The following ZMAT3 variants were observed in gnomAD, a reference collection of about 807,000 sequenced individuals.
ZMAT3 encodes the protein zinc finger matrin-type 3.
ZMAT3 carries 17 observed loss-of-function variants against 32.3 expected under a neutral mutation model. That is an observed-to-expected ratio of 0.53 (90% CI 0.36 to 0.79). The LOEUF (loss-of-function observed/expected upper bound fraction) is 0.79, where lower values mean the gene tolerates loss of function less well. ZMAT3 is among the 30% of genes least tolerant of loss of function. The pLI is 0.00. For synonymous variants in ZMAT3, 120 were observed against 133.1 expected (o/e 0.90, Z 0.68); for missense variants, 329 against 359.7 (o/e 0.91, Z 0.69).
chr3:179,034,305 T>C (rs1719464549), intron 2 of ZMAT3, among the ~76,000 whole-genome samples: 1 of 152,216 alleles, frequency 6.6e-6, no homozygotes, highest in African/African-American at 2.4e-5. Flanking sequence ...TTTACCATGG[T>C]CACAGTGAAC....
chr3:179,062,530 G>A (rs1721201145), intron 2 of ZMAT3, among the ~76,000 whole-genome samples: 1 of 152,048 alleles, frequency 6.6e-6, no homozygotes, highest in Non-Finnish European at 1.5e-5. Context: ...ACTAGAGGAG[G>A]AGGCAAAAAA....
At chr3:179,054,768 T>C (rs935412370) in intron 2 of ZMAT3, among the ~76,000 whole-genome samples, 1 of 152,182 alleles carries the variant, frequency 6.6e-6, no homozygotes, top group Admixed American at 6.5e-5. Context: ...GCGACTTCCA[T>C]GCCTCCGGAT....
At position 179,067,735 on chromosome 3, in the gene ZMAT3, G is replaced by A. The variant is rs760329133; in HGVS notation, c.18C>T (p.His6=). Residue 6 remains histidine, a synonymous_variant, in exon 2 of 6, where the codon CAC becomes CAT. Coordinates refer to ENST00000311417, the MANE Select transcript of ZMAT3 (RefSeq NM_022470.4). ...GCTGCTTAGGTGGAGGAAGCACGGC[G>A]TGTTGCAAGAGGATCATTGGGTAGG... is the stretch of plus-strand genomic sequence containing the variant. MILLQ[H]AVLPPPKQPS... 12 of 1,613,980 alleles carry A rather than the reference G, an allele frequency of 7.4e-6. No individual in the cohort carries two copies. The highest frequency in any genetic ancestry group is 1.7e-5 in the Admixed American group (1 of 60,004).
At chr3:179,043,279 C>T (rs1720053355) in intron 2 of ZMAT3, among the ~76,000 whole-genome samples, 1 of 152,192 alleles carries the variant, frequency 6.6e-6, no homozygotes, top group African/African-American at 2.4e-5. Context: ...CAATCCTAAG[C>T]CAAAAGAACA....
At chr3:179,055,088 G>C (rs1720766563) in intron 2 of ZMAT3, among the ~76,000 whole-genome samples, 1 of 152,138 alleles carries the variant, frequency 6.6e-6, no homozygotes, top group Non-Finnish European at 1.5e-5. Context: ...CTGGGAGCAA[G>C]GACCCCCCAG....
At chr3:179,070,115 G>T (rs1178304534) in intron 1 of ZMAT3, among the ~76,000 whole-genome samples, 1 of 149,628 alleles carries the variant, frequency 6.7e-6, no homozygotes, top group Non-Finnish European at 1.5e-5. Flanking sequence ...TGAAAAGGTG[G>T]GGGGGGGTGT....
At chr3:179,038,160 C>A (rs916060274) in intron 2 of ZMAT3, among the ~76,000 whole-genome samples, 1 of 152,162 alleles carries the variant, frequency 6.6e-6, no homozygotes, top group African/African-American at 2.4e-5. Context: ...CATCAAGAGA[C>A]CCACTTGCTG....
chr3:179,027,719 C>A lies in ZMAT3; in HGVS notation c.484G>T (p.Ala162Ser), dbSNP rs1466335076. The change falls in exon 4 of 6, where the codon GCT becomes TCT. Residue 162 changes from alanine (A) to serine (S), a missense_variant. Ala to Ser is a moderately conservative substitution (Grantham distance 99). Transcript: ENST00000311417. ...TTCTTCCCTTGATAGTGAGCCTGAGCCACAGCTGGGGAACTGAAGGAGGCA... is the reference window on the plus strand; with the variant it reads ...TTCTTCCCTTGATAGTGAGCCTGAGACACAGCTGGGGAACTGAAGGAGGCA... ...CDASFSSPAV[A>S]QAHYQGKNHA... 14 of 1,614,170 alleles carry A rather than the reference C, an allele frequency of 8.7e-6. No individual in the cohort carries two copies. Among genetic ancestry groups the A allele is most frequent in the Admixed American group, 1.7e-5 (1 of 60,018 alleles).
In ZMAT3 at chr3:179,027,788, G is replaced by A. The variant is rs147086451; in HGVS notation, c.415C>T (p.Arg139Ter). Residue 139 changes from arginine to a stop codon, truncating the protein, a stop_gained, in exon 4 of 6, where the codon CGA (arginine) becomes TGA (stop). Transcript: ENST00000311417. LOFTEE classifies it high-confidence loss of function. ...TCATTCTCCGTGGCCAGGATCACTC[G>A]GCCTCCTGGCTTAAAGGAGCCCATC... ...PQMGSFKPGG[R>*]VILATENDYC... 3.1e-6 allele frequency: 5 copies of A among 1,612,318 alleles called. No individual in the cohort carries two copies. The highest frequency in any genetic ancestry group is 1.3e-5 in the African/African-American group (1 of 74,882).
At chr3:179,043,728 C>G (rs964268234) in intron 2 of ZMAT3, among the ~76,000 whole-genome samples, 7 of 152,072 alleles carry the variant, frequency 4.6e-5, no homozygotes, top group Non-Finnish European at 7.4e-5. Context: ...CAAATGGGAC[C>G]TAATTAAACT....
chr3:179,049,889 G>T (rs1328045213), intron 2 of ZMAT3, among the ~76,000 whole-genome samples: 1 of 151,498 alleles, frequency 6.6e-6, no homozygotes, highest in East Asian at 1.9e-4. Flanking sequence ...CTACTCGGGA[G>T]GCTGAGGCAG....
chr3:179,039,204 A>T (rs1719775966), intron 2 of ZMAT3, among the ~76,000 whole-genome samples: 1 of 152,240 alleles, frequency 6.6e-6, no homozygotes, highest in South Asian at 2.1e-4. Context: ...TGAAGAGAGC[A>T]GTGGTTCTCC....
intron 2 of ZMAT3, among the ~76,000 whole-genome samples, chr3:179,064,157 A>C (rs931145365): frequency 2.6e-5 from 4 of 152,244 alleles, no homozygotes; most frequent in Non-Finnish European, 5.9e-5. Context: ...TCAACTGACT[A>C]AAAAGTTTTG....
chr3:179,027,681 C>A lies in ZMAT3; in HGVS notation c.522G>T (p.Arg174Ser). The change falls in exon 4 of 6, where the codon AGG (arginine) becomes AGT (serine). Residue 174 changes from arginine to serine, a missense_variant. By Grantham distance (110) the Arg-to-Ser change is moderately radical. Coordinates refer to ENST00000311417, the MANE Select transcript of ZMAT3 (RefSeq NM_022470.4). ...AHYQGKNHAK[R>S]LRLAEAQSNS... ...TACTCTGAGCTTCCGCCAGCCGCAG[C>A]CTCTTGGCATGATTCTTCCCTTGAT... 3.7e-6 allele frequency: 6 copies of A among 1,614,194 alleles called. No individual in the cohort carries two copies. Among genetic ancestry groups the A allele is most frequent in the Non-Finnish European group, 5.1e-6 (6 of 1,180,038 alleles).
intron 2 of ZMAT3, among the ~76,000 whole-genome samples, chr3:179,034,959 G>C (rs1719500634): frequency 6.6e-6 from 1 of 152,062 alleles, no homozygotes; most frequent in Non-Finnish European, 1.5e-5. Context: ...AGGTAACAGT[G>C]GTCATTTGCA....
In ZMAT3 at chr3:179,018,498, C is replaced by A. The variant is rs1718385125; in HGVS notation, c.*6519G>T. On this transcript the variant is annotated 3_prime_UTR_variant, in exon 6 of 6. Transcript: ENST00000311417. ...AATATGGATTTTCCCTCCAAGGGCC[C>A]AAAGGAAGTGTTCAGTTACTTTGGA... 1.3e-5 allele frequency: 2 copies of A among 151,956 alleles called. No homozygotes were observed. Among genetic ancestry groups the A allele is most frequent in the African/African-American group, 4.8e-5 (2 of 41,476 alleles). 9.4% of individuals were successfully genotyped at this position (151,956 alleles called of 1,614,324 possible).
chr3:179,035,356 G>A (rs931563988), intron 2 of ZMAT3, among the ~76,000 whole-genome samples: 6 of 152,216 alleles, frequency 3.9e-5, no homozygotes, highest in African/African-American at 1.4e-4. Flanking sequence ...AACATGCCAA[G>A]CTCAGGCTAG....
Position 179,037,128 on chromosome 3 carries a change from C to A in ZMAT3, c.271-6129G>T, listed in dbSNP as rs4504197. ...TATTCACTCTCCAGTGTCCATGTACCTTATTCCTCTTATTCCTCTTGGTCG... is the reference window on the plus strand; with the variant it reads ...TATTCACTCTCCAGTGTCCATGTACATTATTCCTCTTATTCCTCTTGGTCG... On this transcript the variant is annotated intron_variant, in intron 2 of 5. Transcript: ENST00000311417. Among the ~76,000 whole-genome samples the A allele has an allele frequency of 7.2e-5, 11 of 151,918 alleles. 1 individual carries two copies. The highest frequency in any genetic ancestry group is 2.2e-4 in the African/African-American group (9 of 41,420).
intron 2 of ZMAT3, among the ~76,000 whole-genome samples, chr3:179,058,318 C>T (rs1234393328): frequency 6.6e-6 from 1 of 152,244 alleles, no homozygotes; most frequent in Admixed American, 6.5e-5. Flanking sequence ...AACCCAGCCA[C>T]ATTTCTTCCA....
Sources: gnomAD v4.1 joint callset for allele counts (sites outside exome capture counted in the v4.1 genomes callset) on GRCh38, gnomAD v4.1.1 for gene constraint, MANE v1.5 for transcripts, NCBI Gene and HGNC (gene_info 2026-07-23, HGNC 2026-07-21) for gene names.